ADCY3: variants seen among roughly 807,000 people sequenced by gnomAD.
The protein encoded by ADCY3 is adenylate cyclase type 3.
ADCY3 carries 70 observed loss-of-function variants against 119.4 expected under a neutral mutation model. The observed-to-expected ratio is 0.59, with a 90% CI of 0.48 to 0.72. ADCY3 has a LOEUF of 0.72. Among genes scored for constraint, ADCY3 ranks in the 30% least tolerant of loss-of-function variants. The pLI is 0.00. For synonymous variants in ADCY3, 672 were observed against 621.4 expected, an observed-to-expected ratio of 1.08 and a Z score of -1.21; for missense variants, 1,238 against 1,541.6, an observed-to-expected ratio of 0.80 and a Z score of 3.30.
chr2:24,917,832 C>T (rs1188431328), intron 2 of ADCY3, among the ~76,000 whole-genome samples: 6 of 152,232 alleles, frequency 3.9e-5, no homozygotes, highest in Admixed American at 2.6e-4. Flanking sequence ...CTTTCCCCCA[C>T]ATCTCCTGCA....
chr2:24,825,540 T>G (rs1668495661), intron 16 of ADCY3: 1 of 154,486 alleles, frequency 6.5e-6, no homozygotes, highest in South Asian at 1.9e-4. Context: ...TTCACCATAT[T>G]GCCCAGGCTG....
At chr2:24,863,072 A>G (rs1008451786) in intron 3 of ADCY3, among the ~76,000 whole-genome samples, 2 of 152,336 alleles carry the variant, frequency 1.3e-5, no homozygotes, top group African/African-American at 2.4e-5. Flanking sequence ...ACTCTCAAAT[A>G]TCAGGACCAA....
chr2:24,856,209 G>A (rs542068841), intron 3 of ADCY3, among the ~76,000 whole-genome samples: 11 of 152,244 alleles, frequency 7.2e-5, no homozygotes, highest in African/African-American at 2.4e-4. Context: ...ATGCGTTAGC[G>A]CTTGCACATG....
intron 12 of ADCY3, 55 bp downstream of exon 12, chr2:24,831,607 G>T: frequency 7.3e-7 from 1 of 1,377,890 alleles, no homozygotes; most frequent in Non-Finnish European, 1.0e-6. Flanking sequence ...CAGTTTTACA[G>T]GGAGTGCCAC....
Position 24,878,223 on chromosome 2 carries a change from G to C in ADCY3, c.676-5504C>G, listed in dbSNP as rs2033655. Among the ~76,000 whole-genome samples the C allele has an allele frequency of 6.6e-6, 1 of 152,070 alleles. No homozygotes were observed. Among genetic ancestry groups the C allele is most frequent in the Middle Eastern group, 3.4e-3 (1 of 294 alleles). The stretch of plus-strand genomic sequence containing the variant: ...AGTGTCATCTAACCCATGACAGCCT[G>C]ATAAAGTGTTTCTAATATCCCGGCT... On this transcript the variant is annotated intron_variant, in intron 2 of 21. Transcript: ENST00000679454. This position sits in a 1 kb window ranked among gnomAD's most constrained non-coding sequence, Gnocchi z 4.0.
In ADCY3 at chr2:24,834,091, T is replaced by A. The variant is rs1669967373; in HGVS notation, c.1967+394A>T. 6.6e-6 allele frequency among the ~76,000 whole-genome samples: 1 copy of A among 152,212 alleles called. No individual in the cohort carries two copies. The highest frequency in any genetic ancestry group is 2.1e-4 in the South Asian group (1 of 4,832). On this transcript the variant is annotated intron_variant, in intron 11 of 21. Coordinates refer to ENST00000679454, the MANE Select transcript of ADCY3 (RefSeq NM_004036.5). This position sits in a 1 kb window ranked among gnomAD's most constrained non-coding sequence, Gnocchi z 4.2. ...CAGTCTGTGCCCACAGCCTAAAATCTATCTTTACCAAGATGAGCCAAGAGA... is the reference window on the plus strand; with the variant it reads ...CAGTCTGTGCCCACAGCCTAAAATCAATCTTTACCAAGATGAGCCAAGAGA...
rs1310633856 is a variant in ADCY3 at position 24,920,109 on chromosome 2, C to G, written c.-624G>C. On this transcript the variant is annotated 5_prime_UTR_variant, in exon 1 of 22. Coordinates refer to ENST00000679454, the MANE Select transcript of ADCY3 (RefSeq NM_004036.5). The surrounding 1 kb of genome is among the most constrained non-coding windows in gnomAD (Gnocchi z 4.5). Reference sequence around the variant, plus strand: ...GGGCCCTCCCCGGCGGGAGCGCGGGCCGAGCCCGGGGAAGCCCGCCAGCAT... The same window carrying G: ...GGGCCCTCCCCGGCGGGAGCGCGGGGCGAGCCCGGGGAAGCCCGCCAGCAT... Among the ~76,000 whole-genome samples, 1 of 146,104 alleles carries G rather than the reference C, an allele frequency of 6.8e-6. No homozygotes were observed. The highest frequency in any genetic ancestry group is 1.5e-5 in the Non-Finnish European group (1 of 65,692).
chr2:24,838,928 A>G lies in ADCY3; in HGVS notation c.1356-306T>C, dbSNP rs531247620. On this transcript the variant is annotated intron_variant, in intron 7 of 21. Coordinates refer to ENST00000679454, the MANE Select transcript of ADCY3 (RefSeq NM_004036.5). ...CTTTGATCCGCTGTAAAGCAGATCA[A>G]ATGCGATAAGGAATTTTTTTTTTTT... is the stretch of plus-strand genomic sequence containing the variant. 140 of 1,527,798 alleles carry G rather than the reference A, an allele frequency of 9.2e-5. No individual in the cohort carries two copies. In the African/African-American group the frequency reaches 1.8e-3, roughly 20 times the overall value. 94.6% of individuals were successfully genotyped at this position (1,527,798 alleles called of 1,614,324 possible).
rs80087361 is a variant in ADCY3 at position 24,860,884 on chromosome 2, C to T, written c.825+11686G>A. Among the ~76,000 whole-genome samples the T allele has an allele frequency of 1.2e-4, 18 of 152,272 alleles. 1 individual carries two copies. The East Asian group carries it at 3.1e-3, about 26-fold the overall frequency. ...AGCAGAGGAGGAAGCTGAGGCCCAG[C>T]GAGGAGACACCTGCTGGGACAGCCA... is the stretch of plus-strand genomic sequence containing the variant. On this transcript the variant is annotated intron_variant, in intron 3 of 21. Transcript: ENST00000679454.
chr2:24,823,382 C>T (rs1238429373), intron 17 of ADCY3, 27 bp from the exon 18 acceptor site: 2 of 1,605,654 alleles, frequency 1.2e-6, no homozygotes, highest in South Asian at 2.2e-5. Flanking sequence ...ACAACGTGCT[C>T]AAAGCATGTC....
intron 3 of ADCY3, among the ~76,000 whole-genome samples, chr2:24,869,623 C>T (rs1674720500): frequency 6.6e-6 from 1 of 152,096 alleles, no homozygotes; most frequent in South Asian, 2.1e-4. Context: ...TCAGGCTGGT[C>T]TTGAACTCCT....
intron 2 of ADCY3, among the ~76,000 whole-genome samples, chr2:24,874,379 C>A (rs569806274): frequency 3.6e-4 from 55 of 152,320 alleles, no homozygotes; most frequent in African/African-American, 1.3e-3. Context: ...GGACAACCCA[C>A]CCCTGTCTGA....
chr2:24,869,806 A>C (rs569269641), intron 3 of ADCY3, among the ~76,000 whole-genome samples: 4 of 152,304 alleles, frequency 2.6e-5, no homozygotes, highest in South Asian at 2.1e-4. Flanking sequence ...CAAATTATTT[A>C]ATGAGTTGGG....
chr2:24,824,615 G>A (rs1814391), intron 16 of ADCY3, 79 bp from the exon 17 acceptor site: 114,847 of 1,518,186 alleles, frequency 0.076, 4,674 homozygotes, highest in Non-Finnish European at 0.084. Context: ...ATGGCCAGGC[G>A]TGGCGGTTCA....
At chr2:24,825,640 CAG>C (rs1206539273) in intron 16 of ADCY3, 3 of 189,226 alleles carry the variant, frequency 1.6e-5, no homozygotes, top group Non-Finnish European at 3.2e-5. Context: ...TTTAACCCAA[CAG>C]AAAGTCCATC....
At chr2:24,828,858 A>G (rs72792190) in intron 13 of ADCY3, among the ~76,000 whole-genome samples, 20,484 of 152,084 alleles carry the variant, frequency 0.13, 1,450 homozygotes, top group East Asian at 0.21. Flanking sequence ...CCAGGACCCC[A>G]TGCAGTGGTG....
chr2:24,912,356 G>A (rs1448335952), intron 2 of ADCY3, among the ~76,000 whole-genome samples: 4 of 152,052 alleles, frequency 2.6e-5, no homozygotes, highest in African/African-American at 9.7e-5. Flanking sequence ...AAAAGAATGT[G>A]TAATTTGGTG....
At chr2:24,895,589 G>A (rs189591708) in intron 2 of ADCY3, among the ~76,000 whole-genome samples, 63 of 151,240 alleles carry the variant, frequency 4.2e-4, no homozygotes, top group Non-Finnish European at 7.4e-4. Flanking sequence ...GATGCTCTGA[G>A]TATTACCTTT....
chr2:24,866,436 G>A (rs576820279), intron 3 of ADCY3, among the ~76,000 whole-genome samples: 1 of 151,794 alleles, frequency 6.6e-6, no homozygotes, highest in East Asian at 1.9e-4. Context: ...AATTAGCTGG[G>A]CATGGTGGCA....
Sources: allele counts gnomAD v4.1 joint callset (sites outside exome capture counted in the v4.1 genomes callset), GRCh38; gene constraint gnomAD v4.1.1; non-coding constraint Gnocchi (gnomAD v3.1); transcripts MANE v1.5; gene names NCBI Gene and HGNC (gene_info 2026-07-23, HGNC 2026-07-21).